The following LRRIQ3 variants were observed in gnomAD, a reference collection of about 807,000 sequenced individuals.
The protein encoded by LRRIQ3 is leucine-rich repeat and IQ domain-containing protein 3.
In LRRIQ3, 75 loss-of-function variants were observed where a neutral mutation model predicts 59.3. The ratio of observed to expected loss-of-function variants is 1.26; its 90% CI spans 1.05 to 1.53. The LOEUF is 1.53. LRRIQ3 is among the 40% of genes most tolerant of loss of function. The probability of loss-of-function intolerance (pLI) is 0.00; values close to 1 mark genes in which losing one functional copy is unlikely to be tolerated. For missense variants in LRRIQ3, 831 were observed against 710.0 expected (o/e 1.17, Z -1.94); for synonymous variants, 250 against 231.3 (o/e 1.08, Z -0.73).
intron 3 of LRRIQ3, among the ~76,000 whole-genome samples, chr1:74,162,318 A>G (rs187137234): frequency 2.2e-4 from 34 of 152,034 alleles, no homozygotes; most frequent in Admixed American, 6.6e-4. Flanking sequence ...CAAATTAACT[A>G]TAAAAGATAA....
chr1:74,189,777 A>C (rs1412223904), intron 1 of LRRIQ3, among the ~76,000 whole-genome samples: 3 of 151,944 alleles, frequency 2.0e-5, no homozygotes, highest in Admixed American at 6.6e-5. Context: ...GTAAGATGTG[A>C]CTTCCACCTT....
intron 4 of LRRIQ3, among the ~76,000 whole-genome samples, chr1:74,132,038 A>G (rs1353037313): frequency 2.0e-5 from 3 of 152,206 alleles, no homozygotes; most frequent in Non-Finnish European, 4.4e-5. Context: ...GTCTCAGGAT[A>G]CAAAATCAAT....
intron 1 of LRRIQ3, among the ~76,000 whole-genome samples, chr1:74,185,005 A>G (rs935099750): frequency 6.6e-6 from 1 of 152,156 alleles, no homozygotes; most frequent in Non-Finnish European, 1.5e-5. Context: ...AGTACTGAAT[A>G]ACATTCCATC....
intron 3 of LRRIQ3, among the ~76,000 whole-genome samples, chr1:74,175,171 G>A (rs1375984287): frequency 6.6e-6 from 1 of 152,134 alleles, no homozygotes; most frequent in Admixed American, 6.5e-5. Flanking sequence ...TGAGGCCGAT[G>A]GGGTCCAAGG....
chr1:74,140,802 C>T lies in LRRIQ3; in HGVS notation c.707+14931G>A, dbSNP rs1647224624. Among the ~76,000 whole-genome samples, 3 of 151,750 alleles carry T rather than the reference C, an allele frequency of 2.0e-5. No homozygotes were observed. In the Admixed American group the frequency reaches 2.0e-4, roughly 10 times the overall value. ...CAATGTGAAATGTCCTTCCCTACCTCAATAACTTTACACATCCTACAGTTT... is the reference window on the plus strand; with the variant it reads ...CAATGTGAAATGTCCTTCCCTACCTTAATAACTTTACACATCCTACAGTTT... On this transcript the variant is annotated intron_variant, in intron 4 of 7. Transcript: ENST00000354431.
chr1:74,125,724 C>T (rs1646926094), intron 4 of LRRIQ3, among the ~76,000 whole-genome samples: 1 of 151,810 alleles, frequency 6.6e-6, no homozygotes, highest in Admixed American at 6.6e-5. Context: ...GATGAATGCT[C>T]TTTTTAATGT....
intron 5 of LRRIQ3, among the ~76,000 whole-genome samples, chr1:74,099,358 A>G (rs903775107): frequency 2.6e-5 from 4 of 152,194 alleles, no homozygotes; most frequent in Non-Finnish European, 4.4e-5. Flanking sequence ...TAAACCAGGA[A>G]GAAGCTGAAT....
At chr1:74,151,322 T>C (rs910971469) in intron 4 of LRRIQ3, among the ~76,000 whole-genome samples, 1 of 152,150 alleles carries the variant, frequency 6.6e-6, no homozygotes, top group African/African-American at 2.4e-5. Context: ...CACTGTGGGA[T>C]AATAGTTATG....
chr1:74,133,282 A>G (rs560197484), intron 4 of LRRIQ3, among the ~76,000 whole-genome samples: 1 of 152,334 alleles, frequency 6.6e-6, no homozygotes, highest in South Asian at 2.1e-4. Flanking sequence ...AACAAGTTCA[A>G]CCATTGTGGA....
At chr1:74,121,929 C>T (rs1441634157) in intron 4 of LRRIQ3, among the ~76,000 whole-genome samples, 1 of 151,978 alleles carries the variant, frequency 6.6e-6, no homozygotes, top group Non-Finnish European at 1.5e-5. Flanking sequence ...TTTTTTATGG[C>T]TGCATAGTAT....
intron 4 of LRRIQ3, among the ~76,000 whole-genome samples, chr1:74,123,025 G>C (rs116152903): frequency 6.6e-6 from 1 of 152,194 alleles, no homozygotes; most frequent in South Asian, 2.1e-4. Context: ...TTAGTCTTTT[G>C]AGAGAATAAA....
At chr1:74,177,922 C>A (rs1192303202) in intron 3 of LRRIQ3, among the ~76,000 whole-genome samples, 1 of 151,818 alleles carries the variant, frequency 6.6e-6, no homozygotes, top group East Asian at 1.9e-4. Context: ...TATTTTCTAT[C>A]GATTTATTCT....
intron 3 of LRRIQ3, 98 bp downstream of exon 3, chr1:74,182,440 A>G (rs1650037468): frequency 1.6e-6 from 1 of 618,844 alleles, no homozygotes; most frequent in Admixed American, 3.9e-5. Context: ...ATGATGCAAA[A>G]ATATTAAAAA....
chr1:74,108,186 C>T (rs868709581), intron 5 of LRRIQ3, among the ~76,000 whole-genome samples: 1 of 151,732 alleles, frequency 6.6e-6, no homozygotes, highest in Non-Finnish European at 1.5e-5. Flanking sequence ...AATTGGTTAT[C>T]AGTATACTGA....
chr1:74,133,722 G>T (rs1030312305), intron 4 of LRRIQ3, among the ~76,000 whole-genome samples: 5 of 140,448 alleles, frequency 3.6e-5, no homozygotes, highest in African/African-American at 1.3e-4. Context: ...GGGGTGGGGG[G>T]AAGGGGGAGG....
intron 6 of LRRIQ3, among the ~76,000 whole-genome samples, chr1:74,053,504 A>C (rs1182369963): frequency 6.6e-6 from 1 of 152,140 alleles, no homozygotes; most frequent in Non-Finnish European, 1.5e-5. Flanking sequence ...ATTAAAACTC[A>C]ACAATAATAA....
intron 4 of LRRIQ3, among the ~76,000 whole-genome samples, chr1:74,130,690 G>A (rs115660538): frequency 0.015 from 2,257 of 152,082 alleles, 60 homozygotes; most frequent in African/African-American, 0.052. Flanking sequence ...TCTACGGTGC[G>A]TTACCTCTTT....
chr1:74,042,408 G>A (rs927049884), intron 6 of LRRIQ3, among the ~76,000 whole-genome samples: 10 of 152,098 alleles, frequency 6.6e-5, no homozygotes, highest in African/African-American at 2.4e-4. Context: ...GAAACAGCTT[G>A]ATTGGTTATG....
At chr1:74,160,853 C>T (rs746567096) in intron 3 of LRRIQ3, among the ~76,000 whole-genome samples, 14 of 151,994 alleles carry the variant, frequency 9.2e-5, no homozygotes, top group Non-Finnish European at 1.5e-4. Context: ...CTTGTTCTAT[C>T]GTCACCCTGA....
Sources: gnomAD v4.1 joint callset for allele counts (sites outside exome capture counted in the v4.1 genomes callset) on GRCh38, gnomAD v4.1.1 for gene constraint, MANE v1.5 for transcripts, NCBI Gene and HGNC (gene_info 2026-07-23, HGNC 2026-07-21) for gene names.